CADM2: variants seen among roughly 807,000 people sequenced by gnomAD.
CADM2 encodes the protein cell adhesion molecule 2.
In CADM2, 12 loss-of-function variants were observed where a neutral mutation model predicts 49.8. That is an observed-to-expected ratio of 0.24 (90% CI 0.15 to 0.39). The LOEUF is 0.39. Among genes scored for constraint, CADM2 ranks in the 10% least tolerant of loss-of-function variants. The probability of loss-of-function intolerance (pLI) is 1.00; values close to 1 mark genes in which losing one functional copy is unlikely to be tolerated. For synonymous variants in CADM2, 214 were observed against 175.4 expected, an observed-to-expected ratio of 1.22 and a Z score of -1.74; for missense variants, 378 against 492.3, an observed-to-expected ratio of 0.77 and a Z score of 2.20.
intron 1 of CADM2, among the ~76,000 whole-genome samples, chr3:84,963,463 A>T (rs538858806): frequency 1.3e-5 from 2 of 152,166 alleles, no homozygotes; most frequent in Non-Finnish European, 2.9e-5. Flanking sequence ...TCATGCATAC[A>T]TGCATACAAG....
intron 1 of CADM2, among the ~76,000 whole-genome samples, chr3:85,012,964 T>C (rs1239364801): frequency 2.0e-5 from 3 of 151,766 alleles, no homozygotes; most frequent in Non-Finnish European, 4.4e-5. Context: ...TTTGGAGATA[T>C]CAAAAAAGTC....
intron 1 of CADM2, among the ~76,000 whole-genome samples, chr3:85,481,997 G>C (rs566139875): frequency 6.6e-6 from 1 of 151,462 alleles, no homozygotes; most frequent in East Asian, 1.9e-4. Flanking sequence ...CTTCCTACTG[G>C]GCAGTTTCAT....
intron 1 of CADM2, among the ~76,000 whole-genome samples, chr3:85,707,393 C>CTTTTTTTTTT (rs34006416): frequency 3.9e-5 from 5 of 128,632 alleles, no homozygotes; most frequent in Admixed American, 8.1e-5. Context: ...ATCATTGTAT[C>CTTTTTTTTTT]TTTTTTTTTT....
chr3:85,959,698 A>C (rs1203560450), intron 7 of CADM2, among the ~76,000 whole-genome samples: 1 of 151,810 alleles, frequency 6.6e-6, no homozygotes, highest in Non-Finnish European at 1.5e-5. Context: ...TTTACTATAC[A>C]TTTTCCATGT....
chr3:85,096,601 C>T (rs1478841875), intron 1 of CADM2, among the ~76,000 whole-genome samples: 1 of 151,666 alleles, frequency 6.6e-6, no homozygotes, highest in Non-Finnish European at 1.5e-5. Context: ...AGTATTAGTA[C>T]AGTGAGTTAA....
rs148831890 is a variant in CADM2 at position 85,561,106 on chromosome 3, A to C, written c.62-165416A>C. Among the ~76,000 whole-genome samples the C allele has an allele frequency of 3.7e-3, 563 of 152,336 alleles. 4 individuals carry two copies. The highest frequency in any genetic ancestry group is 0.013 in the African/African-American group (543 of 41,580). On this transcript the variant is annotated intron_variant, in intron 1 of 9. Transcript: ENST00000383699. ...AATGTTTGACTGAATGACTGCTAAC[A>C]CACTGATAGGTTATCCCTTTGCAAT...
chr3:85,809,658 CCCTTCCTTCCTT>C (rs538027252), intron 3 of CADM2, among the ~76,000 whole-genome samples: 2,843 of 68,922 alleles, frequency 0.041, 123 homozygotes, highest in African/African-American at 0.082. Flanking sequence ...AACATTTTCT[CCCTTCCTTCCTT>C]CCTTCCTTCC....
At chr3:86,026,200 C>T (rs535033676) in intron 8 of CADM2, among the ~76,000 whole-genome samples, 183 of 152,094 alleles carry the variant, frequency 1.2e-3, no homozygotes, top group African/African-American at 4.0e-3. Flanking sequence ...GGGAAAAATG[C>T]GATTCAAATT....
chr3:85,120,683 A>G (rs759619675), intron 1 of CADM2, among the ~76,000 whole-genome samples: 17 of 151,930 alleles, frequency 1.1e-4, no homozygotes, highest in Non-Finnish European at 1.8e-4. Context: ...CCTGGGGGGT[A>G]GGGGGCCAGG....
intron 7 of CADM2, among the ~76,000 whole-genome samples, chr3:85,952,308 T>C (rs1723531531): frequency 6.6e-6 from 1 of 150,932 alleles, no homozygotes; most frequent in Non-Finnish European, 1.5e-5. Context: ...TCTTAGACTG[T>C]ATTGCCTTTT....
chr3:85,624,968 C>A (rs1270310821), intron 1 of CADM2, among the ~76,000 whole-genome samples: 2 of 151,978 alleles, frequency 1.3e-5, no homozygotes, highest in African/African-American at 2.4e-5. Flanking sequence ...GATGTGGGTT[C>A]AAATACCATC....
At chr3:85,850,693 G>T (rs914770648) in intron 3 of CADM2, among the ~76,000 whole-genome samples, 1 of 152,136 alleles carries the variant, frequency 6.6e-6, no homozygotes. Context: ...CTATGCCTGT[G>T]TGTGGGTATC....
intron 1 of CADM2, among the ~76,000 whole-genome samples, chr3:85,419,431 C>A (rs2036068280): frequency 6.7e-6 from 1 of 150,168 alleles, no homozygotes; most frequent in Non-Finnish European, 1.5e-5. Context: ...GCACTCCAGC[C>A]TGGGCGACAG....
chr3:85,626,646 A>G (rs2064139035), intron 1 of CADM2, among the ~76,000 whole-genome samples: 1 of 152,088 alleles, frequency 6.6e-6, no homozygotes, highest in Non-Finnish European at 1.5e-5. Context: ...TTCTCATGTA[A>G]TTGAAAAATA....
chr3:85,191,503 T>G (rs2041206841), intron 1 of CADM2, among the ~76,000 whole-genome samples: 1 of 151,976 alleles, frequency 6.6e-6, no homozygotes, highest in African/African-American at 2.4e-5. Context: ...ATGAAAAAAA[T>G]TGGGACACTA....
At chr3:85,043,786 C>T (rs1020443390) in intron 1 of CADM2, among the ~76,000 whole-genome samples, 5 of 152,110 alleles carry the variant, frequency 3.3e-5, no homozygotes, top group Non-Finnish European at 5.9e-5. Flanking sequence ...TTATCCTTGT[C>T]TGGGGTACAC....
At chr3:85,162,108 TA>T (rs201443308) in intron 1 of CADM2, among the ~76,000 whole-genome samples, 15,035 of 152,240 alleles carry the variant, frequency 0.099, 907 homozygotes, top group African/African-American at 0.17. Flanking sequence ...GTTCATTATA[TA>T]AACCAGAAAT....
At chr3:85,803,021 A>G (rs1023894130) in intron 3 of CADM2, among the ~76,000 whole-genome samples, 1 of 152,044 alleles carries the variant, frequency 6.6e-6, no homozygotes, top group Admixed American at 6.6e-5. Flanking sequence ...ATGAATCTGT[A>G]TAGGTAATTG....
chr3:85,881,806 G>C (rs114963474), intron 3 of CADM2, among the ~76,000 whole-genome samples: 2 of 152,106 alleles, frequency 1.3e-5, no homozygotes, highest in Admixed American at 1.3e-4. Context: ...TTTTTCCATG[G>C]ATGGTGGGCG....
Sources: allele counts gnomAD v4.1 joint callset (sites outside exome capture counted in the v4.1 genomes callset), GRCh38; gene constraint gnomAD v4.1.1; transcripts MANE v1.5; gene names NCBI Gene and HGNC (gene_info 2026-07-23, HGNC 2026-07-21).